LMO7: variants seen among roughly 807,000 people sequenced by gnomAD.
The protein encoded by LMO7 is LIM domain 7.
LMO7 carries 120 observed loss-of-function variants against 206.5 expected under a neutral mutation model. The observed-to-expected ratio is 0.58, with a 90% confidence interval of 0.50 to 0.68. The LOEUF is 0.68. Among genes scored for constraint, LMO7 ranks in the 30% least tolerant of loss-of-function variants. The probability of loss-of-function intolerance (pLI) is 0.00; values close to 1 mark genes in which losing one functional copy is unlikely to be tolerated. For missense variants in LMO7, 1,959 were observed against 1,957.9 expected, an observed-to-expected ratio of 1.00 and a Z score of -0.01; for synonymous variants, 706 against 681.5, an observed-to-expected ratio of 1.04 and a Z score of -0.56.
chr13:75,745,336 A>G (rs1416934101), intron 3 of LMO7, among the ~76,000 whole-genome samples: 1 of 152,200 alleles, frequency 6.6e-6, no homozygotes, highest in Non-Finnish European at 1.5e-5. Context: ...GTTGCCTGTG[A>G]TGAAGGATGC....
intron 1 of LMO7, among the ~76,000 whole-genome samples, chr13:75,641,452 A>G (rs1328343935): frequency 6.6e-6 from 1 of 152,170 alleles, no homozygotes; most frequent in Non-Finnish European, 1.5e-5. Flanking sequence ...TGTCAGACCT[A>G]TATGCCCAAG....
rs73229906 is a variant in LMO7 at position 75,858,307 on chromosome 13, T to C, written c.*364T>C. 1.0e-4 allele frequency: 20 copies of C among 196,068 alleles called. No individual in the cohort carries two copies. Among genetic ancestry groups the C allele is most frequent in the African/African-American group, 1.6e-4 (7 of 43,204 alleles). The allele number at this position is 196,068 out of a possible 1,614,324, so 12.1% of individuals were successfully genotyped here. A position where few individuals can be genotyped will look rare whatever the true frequency, so the allele number is the denominator to read the frequency against. ...TATTTTATTGTTTTTTAAAAAAAGG[T>C]TCTTAAACATTATTTGAAATAGTTA... On this transcript the variant is annotated 3_prime_UTR_variant, in exon 31 of 31. Transcript: ENST00000377534.
intron 2 of LMO7, chr13:75,627,528 T>C (rs1352986732): frequency 6.6e-6 from 1 of 152,192 alleles, no homozygotes; most frequent in African/African-American, 2.4e-5. Flanking sequence ...GAATTGATAG[T>C]AAGGTTATTT....
intron 1 of LMO7, among the ~76,000 whole-genome samples, chr13:75,700,141 A>T (rs1026997262): frequency 6.6e-6 from 1 of 152,142 alleles, no homozygotes; most frequent in African/African-American, 2.4e-5. Flanking sequence ...TTCTTTTAGG[A>T]TGCCCAGATT....
At chr13:75,685,937 C>CCAGGCAG (rs1223470744) in intron 1 of LMO7, among the ~76,000 whole-genome samples, 1 of 145,042 alleles carries the variant, frequency 6.9e-6, no homozygotes, top group African/African-American at 2.6e-5. Flanking sequence ...ACTCTGTCAC[C>CCAGGCAG]CAGGCAGTGG....
intron 4 of LMO7, among the ~76,000 whole-genome samples, chr13:75,786,388 T>C (rs1227709899): frequency 1.3e-5 from 2 of 151,566 alleles, no homozygotes; most frequent in South Asian, 4.2e-4. Flanking sequence ...TTTTTTTTTT[T>C]TTTTGAGATG....
chr13:75,787,270 C>T (rs1027046165), intron 4 of LMO7, among the ~76,000 whole-genome samples: 3 of 152,166 alleles, frequency 2.0e-5, no homozygotes, highest in African/African-American at 7.2e-5. Flanking sequence ...TACGTAATAA[C>T]AAGCATTTTA....
At chr13:75,848,576 CTTTT>C in intron 26 of LMO7, among the ~76,000 whole-genome samples, 2 of 151,472 alleles carry the variant, frequency 1.3e-5, no homozygotes, top group African/African-American at 2.4e-5. Context: ...GAGCAAATAT[CTTTT>C]TCATATAATG....
At chr13:75,848,932 G>A (rs1240280878) in intron 26 of LMO7, 147 bp from the exon 27 acceptor site, 4 of 603,978 alleles carry the variant, frequency 6.6e-6, no homozygotes, top group Middle Eastern at 4.4e-4. Context: ...TATTTTTTGA[G>A]TTGTTGATTA....
At chr13:75,624,826 T>A (rs1002712076) in intron 2 of LMO7, among the ~76,000 whole-genome samples, 1 of 152,154 alleles carries the variant, frequency 6.6e-6, no homozygotes, top group Non-Finnish European at 1.5e-5. Flanking sequence ...CACATGGGAA[T>A]TGTGGGAGTT....
intron 4 of LMO7, among the ~76,000 whole-genome samples, chr13:75,785,099 C>G (rs982528623): frequency 6.6e-6 from 1 of 151,982 alleles, no homozygotes; most frequent in Non-Finnish European, 1.5e-5. Flanking sequence ...CTACCATTGT[C>G]TTTGGGTGAC....
chr13:75,653,670 C>T (rs1288057532), intron 1 of LMO7, among the ~76,000 whole-genome samples: 1 of 152,166 alleles, frequency 6.6e-6, no homozygotes, highest in Non-Finnish European at 1.5e-5. Flanking sequence ...GATGGAAAGC[C>T]ATCAGTACAA....
At chr13:75,824,397 G>C (rs146688823) in intron 15 of LMO7, among the ~76,000 whole-genome samples, 1 of 151,972 alleles carries the variant, frequency 6.6e-6, no homozygotes, top group Non-Finnish European at 1.5e-5. Flanking sequence ...TATAATTTTC[G>C]ATGGTCCCTT....
intron 4 of LMO7, among the ~76,000 whole-genome samples, chr13:75,768,178 A>G (rs2049147766): frequency 6.6e-6 from 1 of 152,092 alleles, no homozygotes; most frequent in East Asian, 1.9e-4. Context: ...CTTTAAGAAG[A>G]TACATGTCTC....
chr13:75,813,733 G>C (rs2056686997), intron 11 of LMO7, among the ~76,000 whole-genome samples: 2 of 152,220 alleles, frequency 1.3e-5, no homozygotes, highest in African/African-American at 4.8e-5. Flanking sequence ...GTCTTGAGAA[G>C]CACATTTCAT....
chr13:75,726,281 C>A (rs1442534220), intron 2 of LMO7, among the ~76,000 whole-genome samples: 1 of 151,976 alleles, frequency 6.6e-6, no homozygotes, highest in African/African-American at 2.4e-5. Flanking sequence ...TCATAATAAT[C>A]TAGATTTAGA....
intron 1 of LMO7, among the ~76,000 whole-genome samples, chr13:75,684,211 CT>C (rs1265077394): frequency 6.6e-6 from 1 of 152,096 alleles, no homozygotes; most frequent in Non-Finnish European, 1.5e-5. Context: ...TGGAAAAGTG[CT>C]TTGTATCCCA....
At chr13:75,653,572 A>AATACT (rs1220617266) in intron 1 of LMO7, among the ~76,000 whole-genome samples, 1 of 152,218 alleles carries the variant, frequency 6.6e-6, no homozygotes, top group Admixed American at 6.5e-5. Flanking sequence ...CTTTGTGCAT[A>AATACT]ATACTGGTAT....
At chr13:75,797,368 T>A (rs2054163396) in intron 6 of LMO7, among the ~76,000 whole-genome samples, 1 of 152,228 alleles carries the variant, frequency 6.6e-6, no homozygotes, top group Admixed American at 6.5e-5. Context: ...TGAGGATCAT[T>A]TGCAGAGAGC....
Sources: gnomAD v4.1 joint callset for allele counts (sites outside exome capture counted in the v4.1 genomes callset) on GRCh38, gnomAD v4.1.1 for gene constraint, MANE v1.5 for transcripts, NCBI Gene and HGNC (gene_info 2026-07-23, HGNC 2026-07-21) for gene names.